Variants in SPAG16 observed in about 807,000 individuals in gnomAD.
The protein encoded by SPAG16 is sperm associated antigen 16, also known as sperm-associated antigen 16 protein.
Under a neutral mutation model 80.4 loss-of-function variants are expected in SPAG16, and 86 were observed. That is an observed-to-expected ratio of 1.07 (90% CI 0.90 to 1.28). SPAG16 has a LOEUF of 1.28. Among genes scored for constraint, SPAG16 ranks in the 50% most tolerant of loss-of-function variants. SPAG16 has a pLI of 0.00. For synonymous variants in SPAG16, 294 were observed against 265.9 expected (o/e 1.11, Z -1.03); for missense variants, 870 against 765.3 (o/e 1.14, Z -1.61).
At chr2:213,946,620 T>C (rs552668198) in intron 12 of SPAG16, among the ~76,000 whole-genome samples, 1 of 152,344 alleles carries the variant, frequency 6.6e-6, no homozygotes, top group Non-Finnish European at 1.5e-5. Flanking sequence ...AACCATTGCC[T>C]ATTGTCAAAA....
chr2:213,312,667 C>T (rs72937005), intron 4 of SPAG16, among the ~76,000 whole-genome samples: 32,898 of 151,470 alleles, frequency 0.22, 4,411 homozygotes, highest in Non-Finnish European at 0.31. Flanking sequence ...GGTAGGGTGG[C>T]AATGAAAATG....
At chr2:213,515,697 A>G (rs563687408) in intron 10 of SPAG16, among the ~76,000 whole-genome samples, 1 of 152,270 alleles carries the variant, frequency 6.6e-6, no homozygotes, top group East Asian at 1.9e-4. Flanking sequence ...AGTGCTTAGG[A>G]GCAGAAAAGG....
chr2:213,327,880 A>G (rs1469662212), intron 5 of SPAG16, among the ~76,000 whole-genome samples: 1 of 152,136 alleles, frequency 6.6e-6, no homozygotes, highest in Non-Finnish European at 1.5e-5. Context: ...GATGATGATG[A>G]TTATGAGTAC....
intron 14 of SPAG16, among the ~76,000 whole-genome samples, chr2:214,117,839 T>C (rs1001937645): frequency 6.6e-6 from 1 of 152,144 alleles, no homozygotes; most frequent in African/African-American, 2.4e-5. Context: ...CAATTAGGTA[T>C]AGAAGCAACA....
intron 10 of SPAG16, among the ~76,000 whole-genome samples, chr2:213,769,391 T>G (rs573434083): frequency 2.8e-4 from 42 of 152,266 alleles, no homozygotes; most frequent in African/African-American, 9.9e-4. Flanking sequence ...TACTCAGACT[T>G]TGAATTGACA....
intron 15 of SPAG16, among the ~76,000 whole-genome samples, chr2:214,379,504 G>A (rs1192798428): frequency 6.6e-6 from 1 of 152,180 alleles, no homozygotes; most frequent in Non-Finnish European, 1.5e-5. Context: ...TACAAGAAAT[G>A]TCTCCTTCTA....
At chr2:213,642,175 G>A (rs74703106) in intron 10 of SPAG16, among the ~76,000 whole-genome samples, 1,577 of 152,256 alleles carry the variant, frequency 0.01, 26 homozygotes, top group African/African-American at 0.035. Context: ...AACGCACAAT[G>A]TTTCAGCTGT....
intron 5 of SPAG16, among the ~76,000 whole-genome samples, chr2:213,320,131 G>T (rs1383033241): frequency 6.6e-6 from 1 of 151,942 alleles, no homozygotes; most frequent in Non-Finnish European, 1.5e-5. Flanking sequence ...TTAGTAAAGT[G>T]CTTCCTTATA....
intron 10 of SPAG16, among the ~76,000 whole-genome samples, chr2:213,794,930 T>A (rs745347275): frequency 6.6e-6 from 1 of 152,150 alleles, no homozygotes; most frequent in Non-Finnish European, 1.5e-5. Context: ...ACCTAAAATT[T>A]ATTTAAATTT....
chr2:213,805,514 C>A (rs995987949), intron 10 of SPAG16, among the ~76,000 whole-genome samples: 2 of 152,096 alleles, frequency 1.3e-5, no homozygotes, highest in African/African-American at 4.8e-5. Context: ...CAGGGAAGTA[C>A]CTTTTAGGTT....
At chr2:213,674,506 G>T (rs912450248) in intron 10 of SPAG16, among the ~76,000 whole-genome samples, 4 of 150,518 alleles carry the variant, frequency 2.7e-5, no homozygotes, top group African/African-American at 1.0e-4. Flanking sequence ...CTAGCATTAG[G>T]TATATCTCCC....
At position 213,879,666 on chromosome 2, in the gene SPAG16, A is replaced by C. The variant is rs577013776; in HGVS notation, c.1214+17038A>C. 9.5e-4 allele frequency among the ~76,000 whole-genome samples: 145 copies of C among 151,858 alleles called. 3 individuals carry two copies. Among genetic ancestry groups the C allele is most frequent in the South Asian group, 1.0e-3 (5 of 4,806 alleles). ...CCCCTCCTTGTAGTCTGCCATGTCT[A>C]TTGTTCCCATTTTTATAGCAGAGTG... On this transcript the variant is annotated intron_variant, in intron 11 of 15. Coordinates refer to ENST00000331683, the MANE Select transcript of SPAG16 (RefSeq NM_024532.5).
intron 12 of SPAG16, among the ~76,000 whole-genome samples, chr2:213,947,594 C>A (rs576870654): frequency 6.6e-6 from 1 of 152,058 alleles, no homozygotes; most frequent in Admixed American, 6.5e-5. Context: ...GGATATACAT[C>A]GTTTGTCCTT....
At chr2:214,149,095 A>ATATG in intron 14 of SPAG16, 45 bp from the exon 15 acceptor site, 4 of 724,662 alleles carry the variant, frequency 5.5e-6, no homozygotes, top group Non-Finnish European at 8.1e-6. Flanking sequence ...ATATATATAT[A>ATATG]TACATACATA....
At chr2:213,978,166 A>G (rs1055601430) in intron 12 of SPAG16, among the ~76,000 whole-genome samples, 1 of 151,980 alleles carries the variant, frequency 6.6e-6, no homozygotes, top group African/African-American at 2.4e-5. Context: ...GACACTGGAA[A>G]TCTTCAAAAC....
chr2:214,044,810 C>G (rs896731888), intron 13 of SPAG16, among the ~76,000 whole-genome samples: 13 of 152,212 alleles, frequency 8.5e-5, no homozygotes, highest in African/African-American at 2.9e-4. Flanking sequence ...GGACTGAACT[C>G]AGCTGATATC....
At chr2:213,870,804 C>G (rs544295454) in intron 11 of SPAG16, among the ~76,000 whole-genome samples, 17 of 152,220 alleles carry the variant, frequency 1.1e-4, no homozygotes, top group African/African-American at 3.9e-4. Context: ...TGGCCTGTCT[C>G]TCTTTTTGTA....
intron 15 of SPAG16, among the ~76,000 whole-genome samples, chr2:214,196,181 G>A (rs2057833195): frequency 6.6e-6 from 1 of 151,970 alleles, no homozygotes; most frequent in African/African-American, 2.4e-5. Flanking sequence ...TAGGACAGAA[G>A]GAAGAAACCA....
At chr2:213,450,553 A>G (rs2071621704) in intron 9 of SPAG16, among the ~76,000 whole-genome samples, 1 of 152,170 alleles carries the variant, frequency 6.6e-6, no homozygotes, top group Non-Finnish European at 1.5e-5. Flanking sequence ...TTATGAAGTT[A>G]TCTTCTTTAA....
Sources: gnomAD v4.1 joint callset for allele counts (sites outside exome capture counted in the v4.1 genomes callset) on GRCh38, gnomAD v4.1.1 for gene constraint, MANE v1.5 for transcripts, NCBI Gene and HGNC (gene_info 2026-07-23, HGNC 2026-07-21) for gene names.